The following GRK1 variants were observed in gnomAD, a reference collection of about 807,000 sequenced individuals.
GRK1 encodes G protein-coupled receptor kinase 1, also known as rhodopsin kinase GRK1.
In GRK1, 28 loss-of-function variants were observed where a neutral mutation model predicts 41.7. The ratio of observed to expected loss-of-function variants is 0.67; its 90% confidence interval spans 0.50 to 0.92. The LOEUF (loss-of-function observed/expected upper bound fraction) is 0.92, where lower values mean the gene tolerates loss of function less well. GRK1 is among the 40% of genes least tolerant of loss of function. The pLI, the probability that GRK1 is intolerant of heterozygous loss-of-function variation, is 0.00. For synonymous variants in GRK1, 327 were observed against 286.7 expected, an observed-to-expected ratio of 1.14 and a Z score of -1.42; for missense variants, 703 against 671.2, an observed-to-expected ratio of 1.05 and a Z score of -0.52.
intron 1 of GRK1, 136 bp downstream of exon 1, chr13:113,668,221 C>A: frequency 2.1e-6 from 2 of 939,366 alleles, no homozygotes; most frequent in Non-Finnish European, 3.1e-6. Context: ...TGCATGCCAG[C>A]CTCGCCACGT....
chr13:113,658,478 C>A, the GRK1 span, among the ~76,000 whole-genome samples: 2 of 152,240 alleles, frequency 1.3e-5, no homozygotes, highest in South Asian at 4.1e-4. Context: ...GGCCCTTCCC[C>A]TTCCCTCCTC....
At chr13:113,733,918 GTGTGTGCA>G (rs765332833) in intron 6 of GRK1, among the ~76,000 whole-genome samples, 34,502 of 130,238 alleles carry the variant, frequency 0.26, 5,283 homozygotes, top group East Asian at 0.48. Flanking sequence ...TACAGTGTGC[GTGTGTGCA>G]TGTGTGCATA....
chr13:113,671,718 T>TGGGGGTCTCTGCACAACCTCACG lies in GRK1; in HGVS notation c.985+63_985+85dup. 1.4e-6 allele frequency: 1 copy of TGGGGGTCTCTGCACAACCTCACG among 698,536 alleles called. No homozygotes were observed. The highest frequency in any genetic ancestry group is 2.6e-6 in the Non-Finnish European group (1 of 384,312). 43.3% of individuals were successfully genotyped at this position (698,536 alleles called of 1,614,324 possible). A position where few individuals can be genotyped will look rare whatever the true frequency, so the allele number is the denominator to read the frequency against. On this transcript the variant is annotated intron_variant, in intron 3 of 6. Coordinates refer to ENST00000335678, the MANE Select transcript of GRK1 (RefSeq NM_002929.3). This position sits in a 1 kb window ranked among gnomAD's most constrained non-coding sequence, Gnocchi z 4.1. ...CGAGGAGGGCGGGGCGCAGCTTCCT[T>TGGGGGTCTCTGCACAACCTCACG]GGGGGTCTCTGCACAACCTCACGAG...
rs934658590 is a variant in GRK1, at chr13:113,731,843, T to C, written c.1194+500T>C. On this transcript the variant is annotated intron_variant, in intron 5 of 6. Transcript: ENST00000335678. The surrounding 1 kb of genome is among the most constrained non-coding windows in gnomAD (Gnocchi z 5.6). Reference sequence around the variant, plus strand: ...GGCTCCCCCTCCCTGGACGGTCTTATCCATCGCTGTTGCAGAAGAGCAAGC... The same window carrying C: ...GGCTCCCCCTCCCTGGACGGTCTTACCCATCGCTGTTGCAGAAGAGCAAGC... 9.9e-5 allele frequency among the ~76,000 whole-genome samples: 15 copies of C among 152,104 alleles called. No homozygotes were observed. Among genetic ancestry groups the C allele is most frequent in the Admixed American group, 4.6e-4 (7 of 15,290 alleles).
At chr13:113,651,421 G>A in the GRK1 span, among the ~76,000 whole-genome samples, 2 of 152,226 alleles carry the variant, frequency 1.3e-5, no homozygotes, top group African/African-American at 4.8e-5. Flanking sequence ...TTTGAAGCGT[G>A]CTGCTGACAC....
the GRK1 span, chr13:113,652,718 G>T: frequency 1.2e-6 from 1 of 808,488 alleles, no homozygotes; most frequent in Non-Finnish European, 2.1e-6. Context: ...CGGGACAGGT[G>T]CGTGCCAAAC....
chr13:113,665,278 G>A (rs1378447707), upstream of GRK1, among the ~76,000 whole-genome samples: 1 of 152,202 alleles, frequency 6.6e-6, no homozygotes, highest in Non-Finnish European at 1.5e-5. Context: ...GAATAAGACA[G>A]GCAGGGCCAT....
chr13:113,728,294 AGTACCCATGGCGATGAGG>A (rs2049907834), intron 4 of GRK1, among the ~76,000 whole-genome samples: 1 of 122,916 alleles, frequency 8.1e-6, no homozygotes, highest in Non-Finnish European at 1.6e-5. Flanking sequence ...GGCGATGAGG[AGTACCCATGGCGATGAGG>A]AATACCCATG....
the GRK1 span, chr13:113,651,569 A>G: frequency 1.5e-5 from 19 of 1,300,554 alleles, no homozygotes; most frequent in Admixed American, 3.3e-5. Flanking sequence ...GACGGCTGAC[A>G]TTCCTGGAGA....
the GRK1 span, chr13:113,654,707 TG>T: frequency 3.2e-4 from 468 of 1,473,510 alleles, 1 homozygote; most frequent in African/African-American, 5.9e-3. Flanking sequence ...CTGGCTTCCC[TG>T]GGCTTCATTT....
the GRK1 span, chr13:113,654,974 C>T: frequency 1.4e-5 from 23 of 1,612,572 alleles, no homozygotes; most frequent in East Asian, 2.2e-4. Context: ...AAATTTACCA[C>T]GTCAGCCATT....
chr13:113,652,872 C>T, the GRK1 span: 2 of 1,613,962 alleles, frequency 1.2e-6, no homozygotes, highest in Admixed American at 1.7e-5. Context: ...TCAGTACTCA[C>T]CCTGTTCATT....
chr13:113,723,443 T>C (rs2049869225), intron 4 of GRK1, among the ~76,000 whole-genome samples: 2 of 151,966 alleles, frequency 1.3e-5, no homozygotes, highest in African/African-American at 2.4e-5. Context: ...CCGCACAGTT[T>C]GGTTTTACAC....
chr13:113,654,679 C>T, the GRK1 span: 44 of 1,374,744 alleles, frequency 3.2e-5, no homozygotes, highest in African/African-American at 4.4e-5. Flanking sequence ...GTGTGTGGCT[C>T]ACCCTGGGGC....
the GRK1 span, chr13:113,654,834 T>C: frequency 6.2e-7 from 1 of 1,614,122 alleles, no homozygotes; most frequent in East Asian, 2.2e-5. Context: ...TAGCTGGTCT[T>C]GGTAGTCCGG....
Position 113,735,525 on chromosome 13 carries a change from C to A in GRK1, c.*162C>A. 1.4e-6 allele frequency: 1 copy of A among 740,614 alleles called. No individual in the cohort carries two copies. Among genetic ancestry groups the A allele is most frequent in the Non-Finnish European group, 2.0e-6 (1 of 494,870 alleles). 45.9% of individuals were successfully genotyped at this position (740,614 alleles called of 1,614,324 possible). On this transcript the variant is annotated 3_prime_UTR_variant, in exon 7 of 7. Transcript: ENST00000335678. ...TCCTTGCGGCCCAAGGAGGAGAAAGCCCACATCGGCCTGAGCCGCCAGACG... is the reference window on the plus strand; with the variant it reads ...TCCTTGCGGCCCAAGGAGGAGAAAGACCACATCGGCCTGAGCCGCCAGACG...
At chr13:113,650,420 C>T in the GRK1 span, 12 of 1,613,730 alleles carry the variant, frequency 7.4e-6, no homozygotes, top group African/African-American at 2.7e-5. This position sits in a 1 kb window ranked among gnomAD's most constrained non-coding sequence, Gnocchi z 5.0. Context: ...GCTTTCTTCC[C>T]GTAATAAGGG....
intron 6 of GRK1, among the ~76,000 whole-genome samples, chr13:113,733,913 T>C (rs1278307200): frequency 3.5e-4 from 34 of 96,374 alleles, no homozygotes; most frequent in African/African-American, 1.6e-3. Context: ...GTGCATACAG[T>C]GTGCGTGTGT....
At chr13:113,734,172 T>C (rs974785113) in intron 6 of GRK1, among the ~76,000 whole-genome samples, 1 of 137,056 alleles carries the variant, frequency 7.3e-6, no homozygotes, top group Non-Finnish European at 1.6e-5. Context: ...GCAGTGTGAC[T>C]AACTTAGGAC....
Sources: allele counts gnomAD v4.1 joint callset (sites outside exome capture counted in the v4.1 genomes callset), GRCh38; gene constraint gnomAD v4.1.1; non-coding constraint Gnocchi (gnomAD v3.1); transcripts MANE v1.5; gene names NCBI Gene and HGNC (gene_info 2026-07-23, HGNC 2026-07-21).